Variants in SPINT2 observed in about 807,000 individuals in gnomAD.
The protein encoded by SPINT2 is kunitz-type protease inhibitor 2.
In SPINT2, 18 loss-of-function variants were observed where a neutral mutation model predicts 30.1. That is an observed-to-expected ratio of 0.60 (90% CI 0.41 to 0.89). SPINT2 has a LOEUF of 0.89. Among genes scored for constraint, SPINT2 ranks in the 40% least tolerant of loss-of-function variants. The pLI, the probability that SPINT2 is intolerant of heterozygous loss-of-function variation, is 0.00. For synonymous variants in SPINT2, 139 were observed against 137.9 expected (o/e 1.01, Z -0.05); for missense variants, 276 against 334.3 (o/e 0.83, Z 1.36).
intron 1 of SPINT2, among the ~76,000 whole-genome samples, chr19:38,269,400 CTTT>C (rs397859727): frequency 6.2e-5 from 4 of 64,910 alleles, no homozygotes; most frequent in African/African-American, 7.4e-5. Context: ...TCTCCTGCAC[CTTT>C]TTTTTTTTTT....
intron 4 of SPINT2, 136 bp from the exon 5 acceptor site, chr19:38,289,983 G>A (rs1190305997): frequency 2.0e-6 from 2 of 983,518 alleles, no homozygotes; most frequent in South Asian, 1.3e-5. Flanking sequence ...GGTCTTGGGT[G>A]TAATTTACAG....
At chr19:38,289,877 G>A in intron 4 of SPINT2, 1 of 569,754 alleles carries the variant, frequency 1.8e-6, no homozygotes. Context: ...GCCACTGCAT[G>A]TAAAAGGCCT....
intron 2 of SPINT2, among the ~76,000 whole-genome samples, chr19:38,287,596 G>T (rs544024682): frequency 1.3e-5 from 2 of 152,192 alleles, no homozygotes. Context: ...CAAAGTACTG[G>T]AATTACAGCC....
chr19:38,276,483 A>G (rs1401825970), intron 1 of SPINT2, among the ~76,000 whole-genome samples: 2 of 152,018 alleles, frequency 1.3e-5, no homozygotes, highest in Non-Finnish European at 2.9e-5. Flanking sequence ...CTCTACTAAA[A>G]ATACAAAAAT....
chr19:38,290,479 C>T lies in SPINT2; in HGVS notation c.554-58C>T, dbSNP rs1204281721. The T allele has an allele frequency of 8.7e-6, 14 of 1,613,076 alleles. No individual in the cohort carries two copies. The highest frequency in any genetic ancestry group is 4.4e-5 in the South Asian group (4 of 91,066). On this transcript the variant is annotated intron_variant, in intron 5 of 6. Coordinates refer to ENST00000301244, the MANE Select transcript of SPINT2 (RefSeq NM_021102.4). The surrounding 1 kb of genome is among the most constrained non-coding windows in gnomAD (Gnocchi z 4.3). ...AGGCCCTGGCTGAGGGGATCCCCTGCGGCAGCTCTGTGGAATGGGGGCTGT... is the reference window on the plus strand; with the variant it reads ...AGGCCCTGGCTGAGGGGATCCCCTGTGGCAGCTCTGTGGAATGGGGGCTGT...
chr19:38,282,293 C>T (rs149798341), intron 1 of SPINT2, among the ~76,000 whole-genome samples: 11 of 152,276 alleles, frequency 7.2e-5, no homozygotes, highest in East Asian at 3.9e-4. Context: ...TCTAAGCAAG[C>T]GTTTGGCTGT....
chr19:38,264,994 C>A lies in SPINT2; in HGVS notation c.102C>A (p.Ile34=). Residue 34 remains isoleucine, a synonymous_variant, in exon 1 of 7, where the codon ATC becomes ATA. Transcript: ENST00000301244. ...TGGCGGCCGACCGAGAACGCAGCAT[C>A]CACGGTGAGGGCCGGGCGGGTAGGC... The part of the protein sequence containing the change: ...GVLAADRERS[I]HDFCLVSKVV... The A allele has an allele frequency of 6.5e-7, 1 of 1,531,738 alleles. No homozygotes were observed. Among genetic ancestry groups the A allele is most frequent in the East Asian group, 2.5e-5 (1 of 40,580 alleles). 94.9% of individuals were successfully genotyped at this position (1,531,738 alleles called of 1,614,324 possible).
intron 2 of SPINT2, among the ~76,000 whole-genome samples, chr19:38,286,478 G>A (rs1053630190): frequency 6.6e-6 from 1 of 152,150 alleles, no homozygotes. Flanking sequence ...GGAGATAAGC[G>A]CTGTGTAAAA....
At chr19:38,268,141 C>T (rs532007012) in intron 1 of SPINT2, among the ~76,000 whole-genome samples, 4 of 152,018 alleles carry the variant, frequency 2.6e-5, no homozygotes, top group South Asian at 2.1e-4. Context: ...ACTCAGGGGT[C>T]GGGGCTTCTT....
In SPINT2 at chr19:38,289,208, G is replaced by A. The variant is rs192921023; in HGVS notation, c.391+17G>A. On this transcript the variant is annotated intron_variant, in intron 4 of 6. Coordinates refer to ENST00000301244, the MANE Select transcript of SPINT2 (RefSeq NM_021102.4). The stretch of plus-strand genomic sequence containing the variant: ...ACTATGAAGGTAAAACTCCAAAGAG[G>A]CCAGGTGCGGTGGCTCACACCTGTA... 37 of 1,613,102 alleles carry A rather than the reference G, an allele frequency of 2.3e-5. No individual in the cohort carries two copies. In the East Asian group the frequency reaches 7.6e-4, roughly 33 times the overall value.
At chr19:38,280,794 C>T (rs1226704152) in intron 1 of SPINT2, among the ~76,000 whole-genome samples, 1 of 152,170 alleles carries the variant, frequency 6.6e-6, no homozygotes, top group Non-Finnish European at 1.5e-5. Flanking sequence ...TGTTGTTGGG[C>T]CCTCCCTCAG....
intron 1 of SPINT2, among the ~76,000 whole-genome samples, chr19:38,268,764 C>CGT (rs1317352177): frequency 0.029 from 4,069 of 141,346 alleles, 82 homozygotes; most frequent in East Asian, 0.07. Context: ...CATGCGCGCG[C>CGT]GCGTGTGTGT....
chr19:38,270,719 C>T (rs1489200067), intron 1 of SPINT2, among the ~76,000 whole-genome samples: 5 of 152,226 alleles, frequency 3.3e-5, no homozygotes, highest in African/African-American at 1.2e-4. Context: ...TCACACTTCT[C>T]CTCTTTCACC....
chr19:38,279,367 C>T (rs1968554943), intron 1 of SPINT2, among the ~76,000 whole-genome samples: 1 of 151,736 alleles, frequency 6.6e-6, no homozygotes, highest in Non-Finnish European at 1.5e-5. Context: ...TGTGATGGCG[C>T]AGTCCTATAA....
intron 1 of SPINT2, among the ~76,000 whole-genome samples, chr19:38,270,785 G>A (rs1243276286): frequency 6.6e-6 from 1 of 152,220 alleles, no homozygotes. Context: ...CAGAATGCAT[G>A]CAGAGCTTCT....
chr19:38,288,571 G>A, intron 3 of SPINT2: 1 of 199,966 alleles, frequency 5.0e-6, no homozygotes, highest in East Asian at 1.2e-4. Context: ...CTGGGAGGCT[G>A]CTGTGGAGGG....
chr19:38,268,327 G>A (rs1032584165), intron 1 of SPINT2, among the ~76,000 whole-genome samples: 4 of 152,134 alleles, frequency 2.6e-5, no homozygotes, highest in African/African-American at 4.8e-5. Flanking sequence ...CCTATCTAGC[G>A]TTAGGGACAG....
chr19:38,284,276 T>C (rs1029590320), intron 2 of SPINT2, among the ~76,000 whole-genome samples: 9 of 152,106 alleles, frequency 5.9e-5, no homozygotes, highest in African/African-American at 2.2e-4. Flanking sequence ...AAATTTTTTA[T>C]AGAGGCGGGG....
At chr19:38,280,297 TTC>T (rs949173794) in intron 1 of SPINT2, among the ~76,000 whole-genome samples, 12 of 152,264 alleles carry the variant, frequency 7.9e-5, no homozygotes, top group African/African-American at 2.6e-4. Context: ...GCCTGACAGA[TTC>T]TGTTGGTGAG....
Sources: allele counts gnomAD v4.1 joint callset (sites outside exome capture counted in the v4.1 genomes callset), GRCh38; gene constraint gnomAD v4.1.1; non-coding constraint Gnocchi (gnomAD v3.1); transcripts MANE v1.5; gene names NCBI Gene and HGNC (gene_info 2026-07-23, HGNC 2026-07-21).